Variants in SSBP3 observed in about 807,000 individuals in gnomAD.
SSBP3 encodes the protein single stranded DNA binding protein 3, also known as single-stranded DNA-binding protein 3.
Under a neutral mutation model 69.6 loss-of-function variants are expected in SSBP3, and 5 were observed. That is an observed-to-expected ratio of 0.07 (90% CI 0.04 to 0.15). SSBP3 has a LOEUF of 0.15. Ranked by LOEUF, SSBP3 falls within the 10% of genes least tolerant of loss-of-function variation. The pLI is 1.00. For missense variants in SSBP3, 312 were observed against 534.0 expected, an observed-to-expected ratio of 0.58 and a Z score of 4.10; for synonymous variants, 196 against 193.4, an observed-to-expected ratio of 1.01 and a Z score of -0.11.
chr1:54,325,089 G>A (rs192875617), intron 4 of SSBP3, among the ~76,000 whole-genome samples: 3 of 152,308 alleles, frequency 2.0e-5, no homozygotes, highest in African/African-American at 7.2e-5. Flanking sequence ...TAAGAGAGTA[G>A]AGCCAAAAGG....
chr1:54,399,558 G>A (rs1017539992), intron 4 of SSBP3, among the ~76,000 whole-genome samples: 2 of 152,208 alleles, frequency 1.3e-5, no homozygotes, highest in African/African-American at 4.8e-5. Flanking sequence ...AGATGAAGGC[G>A]TGATCACAGA....
intron 3 of SSBP3, among the ~76,000 whole-genome samples, chr1:54,403,250 G>A (rs1649432895): frequency 6.6e-6 from 1 of 152,178 alleles, no homozygotes; most frequent in Admixed American, 6.5e-5. Flanking sequence ...AGGAAAATCA[G>A]GACTTCTACT....
At chr1:54,310,348 G>T (rs1432512397) in intron 4 of SSBP3, among the ~76,000 whole-genome samples, 1 of 151,948 alleles carries the variant, frequency 6.6e-6, no homozygotes, top group Non-Finnish European at 1.5e-5. Context: ...AAAACACCTG[G>T]TCACCTTCCA....
intron 7 of SSBP3, among the ~76,000 whole-genome samples, chr1:54,255,105 A>G (rs1352399902): frequency 8.1e-5 from 10 of 122,772 alleles, no homozygotes; most frequent in South Asian, 5.7e-4. Context: ...TGCTAGCATT[A>G]TAAGCGTGAG....
At chr1:54,343,230 C>T (rs1280629300) in intron 4 of SSBP3, among the ~76,000 whole-genome samples, 5 of 152,208 alleles carry the variant, frequency 3.3e-5, no homozygotes, top group African/African-American at 9.6e-5. Context: ...TTCCTCGCTG[C>T]GTGTCAGGTG....
chr1:54,366,734 A>G (rs1647034789), intron 4 of SSBP3, among the ~76,000 whole-genome samples: 1 of 152,210 alleles, frequency 6.6e-6, no homozygotes, highest in African/African-American at 2.4e-5. Flanking sequence ...CTTAGGTATT[A>G]CTTGAATAAT....
chr1:54,405,450 G>T (rs1397417276), intron 1 of SSBP3: 1 of 161,610 alleles, frequency 6.2e-6, no homozygotes, highest in Non-Finnish European at 1.4e-5. Flanking sequence ...ACGCGGAGCC[G>T]GTGACGAAGC....
At chr1:54,320,140 A>G (rs111655160) in intron 4 of SSBP3, among the ~76,000 whole-genome samples, 2 of 152,168 alleles carry the variant, frequency 1.3e-5, no homozygotes, top group Admixed American at 6.5e-5. Flanking sequence ...CTAGCAGAAG[A>G]GTCAAATGCC....
chr1:54,241,842 C>A (rs1644644443), intron 11 of SSBP3, among the ~76,000 whole-genome samples: 1 of 152,228 alleles, frequency 6.6e-6, no homozygotes, highest in African/African-American at 2.4e-5. Context: ...CTGTGTGGAG[C>A]ACCTTACCCG....
intron 4 of SSBP3, among the ~76,000 whole-genome samples, chr1:54,380,397 A>G (rs970051853): frequency 2.0e-5 from 3 of 152,174 alleles, no homozygotes; most frequent in Non-Finnish European, 4.4e-5. Context: ...GCAGGCCACA[A>G]TCGGCTTTGG....
At chr1:54,371,944 G>A (rs547532998) in intron 4 of SSBP3, among the ~76,000 whole-genome samples, 6 of 152,214 alleles carry the variant, frequency 3.9e-5, no homozygotes, top group South Asian at 2.1e-4. Flanking sequence ...AACTCCACCC[G>A]AGAACCTCAT....
At chr1:54,315,818 T>G (rs901869193) in intron 4 of SSBP3, among the ~76,000 whole-genome samples, 7 of 151,988 alleles carry the variant, frequency 4.6e-5, no homozygotes, top group Admixed American at 3.3e-4. Flanking sequence ...CACGCTACTA[T>G]GCCCAGCTGA....
At chr1:54,408,224 T>C (rs1416423041), upstream of SSBP3, among the ~76,000 whole-genome samples, 1 of 152,118 alleles carries the variant, frequency 6.6e-6, no homozygotes, top group African/African-American at 2.4e-5. Context: ...ATTTTAAAGG[T>C]TGTTTCGTGA....
chr1:54,350,359 A>G (rs186652288), intron 4 of SSBP3, among the ~76,000 whole-genome samples: 53 of 152,338 alleles, frequency 3.5e-4, no homozygotes, highest in Admixed American at 1.5e-3. Flanking sequence ...CGCTGTTACT[A>G]GGAACTCTAG....
At chr1:54,303,227 GC>G (rs1557513032) in intron 4 of SSBP3, among the ~76,000 whole-genome samples, 1 of 152,150 alleles carries the variant, frequency 6.6e-6, no homozygotes, top group African/African-American at 2.4e-5. Flanking sequence ...GGGTGGGGGC[GC>G]CTCTGCCATG....
intron 4 of SSBP3, among the ~76,000 whole-genome samples, chr1:54,306,454 A>G (rs1645903184): frequency 6.6e-6 from 1 of 152,144 alleles, no homozygotes; most frequent in African/African-American, 2.4e-5. Context: ...ACAGAAGTAA[A>G]AAGCCCGGCC....
chr1:54,232,062 G>C (rs1383707804), intron 14 of SSBP3, among the ~76,000 whole-genome samples: 2 of 152,062 alleles, frequency 1.3e-5, no homozygotes, highest in Non-Finnish European at 2.9e-5. Flanking sequence ...GTCCACATGT[G>C]GATATTCAGT....
chr1:54,306,180 C>T (rs1191070065), intron 4 of SSBP3, among the ~76,000 whole-genome samples: 1 of 152,092 alleles, frequency 6.6e-6, no homozygotes, highest in Admixed American at 6.6e-5. Flanking sequence ...AGGATCCAGT[C>T]TTGCCGGCAG....
intron 4 of SSBP3, among the ~76,000 whole-genome samples, chr1:54,378,364 C>G (rs1017479334): frequency 8.5e-5 from 13 of 152,324 alleles, no homozygotes; most frequent in African/African-American, 3.1e-4. Flanking sequence ...GGGTGGGGCT[C>G]TGTTACAGTT....
Sources: gnomAD v4.1 joint callset for allele counts (sites outside exome capture counted in the v4.1 genomes callset) on GRCh38, gnomAD v4.1.1 for gene constraint, MANE v1.5 for transcripts, NCBI Gene and HGNC (gene_info 2026-07-23, HGNC 2026-07-21) for gene names.